The following CSMD1 variants were observed in gnomAD, a reference collection of about 807,000 sequenced individuals.
CSMD1 encodes the protein CUB and sushi domain-containing protein 1.
A neutral mutation model predicts 417.5 loss-of-function variants in CSMD1; 213 were observed. The ratio of observed to expected loss-of-function variants is 0.51; its 90% confidence interval spans 0.46 to 0.57. The LOEUF (loss-of-function observed/expected upper bound fraction) is 0.57, where lower values mean the gene tolerates loss of function less well. Ranked by LOEUF, CSMD1 falls within the 20% of genes least tolerant of loss-of-function variation. The probability of loss-of-function intolerance (pLI) is 0.00; values close to 1 mark genes in which losing one functional copy is unlikely to be tolerated. For missense variants in CSMD1, 6,923 were observed against 4,529.7 expected, an observed-to-expected ratio of 1.53 and a Z score of -15.17; for synonymous variants, 2,862 against 1,736.8, an observed-to-expected ratio of 1.65 and a Z score of -16.11.
At chr8:4,044,696 G>A (rs1009936196) in intron 3 of CSMD1, among the ~76,000 whole-genome samples, 1 of 43,138 alleles carries the variant, frequency 2.3e-5, no homozygotes, top group Non-Finnish European at 6.7e-5. Context: ...AATCCTGGCT[G>A]CGTACAACCC....
chr8:4,366,400 C>G (rs989417308), intron 3 of CSMD1, among the ~76,000 whole-genome samples: 2 of 152,164 alleles, frequency 1.3e-5, no homozygotes, highest in Non-Finnish European at 2.9e-5. Context: ...TATGCATGCA[C>G]GTGTCTTTTT....
At chr8:4,459,313 C>T (rs915100706) in intron 2 of CSMD1, among the ~76,000 whole-genome samples, 1 of 152,200 alleles carries the variant, frequency 6.6e-6, no homozygotes. Context: ...GGTGAAGGTT[C>T]TATGCCACCA....
At chr8:4,081,200 G>C (rs980187468) in intron 3 of CSMD1, among the ~76,000 whole-genome samples, 4 of 152,152 alleles carry the variant, frequency 2.6e-5, no homozygotes, top group Admixed American at 6.6e-5. Context: ...AAATTATCCA[G>C]TCTGTGGCGT....
chr8:4,416,579 T>C (rs1015116056), intron 3 of CSMD1, among the ~76,000 whole-genome samples: 5 of 152,082 alleles, frequency 3.3e-5, no homozygotes, highest in Non-Finnish European at 5.9e-5. Context: ...TTTTTACTAA[T>C]AAGGGCAACT....
chr8:3,026,609 C>A (rs766330755), intron 51 of CSMD1, among the ~76,000 whole-genome samples: 6 of 152,170 alleles, frequency 3.9e-5, no homozygotes, highest in Non-Finnish European at 5.9e-5. Context: ...CTGGACCTCA[C>A]TGGACCTCAC....
chr8:3,207,935 A>G (rs555020583), intron 30 of CSMD1, among the ~76,000 whole-genome samples: 3 of 152,238 alleles, frequency 2.0e-5, no homozygotes, highest in African/African-American at 4.8e-5. Flanking sequence ...AAGGTTTCCA[A>G]TAGAATGCTG....
intron 5 of CSMD1, among the ~76,000 whole-genome samples, chr8:3,862,644 C>G (rs1409078983): frequency 6.6e-6 from 1 of 152,198 alleles, no homozygotes; most frequent in African/African-American, 2.4e-5. Context: ...TAAACCAAAT[C>G]TCTAAATATT....
chr8:4,247,952 T>G (rs924690604), intron 3 of CSMD1, among the ~76,000 whole-genome samples: 4 of 152,204 alleles, frequency 2.6e-5, no homozygotes, highest in African/African-American at 9.7e-5. Context: ...TCATAATTTT[T>G]TGTCTTCTTT....
At chr8:3,648,138 G>A (rs941396927) in intron 7 of CSMD1, among the ~76,000 whole-genome samples, 3 of 152,126 alleles carry the variant, frequency 2.0e-5, no homozygotes, top group Non-Finnish European at 4.4e-5. Context: ...CTTTACTATG[G>A]CCCCAGATTA....
chr8:4,924,412 G>A (rs186052800), intron 1 of CSMD1, among the ~76,000 whole-genome samples: 2 of 152,106 alleles, frequency 1.3e-5, no homozygotes, highest in South Asian at 2.1e-4. Context: ...AATAAAAGAT[G>A]TAATAGTAAA....
intron 3 of CSMD1, among the ~76,000 whole-genome samples, chr8:4,212,681 ATAAT>A (rs1335958455): frequency 9.9e-5 from 15 of 151,796 alleles, no homozygotes; most frequent in Non-Finnish European, 1.3e-4. Context: ...AAGAACAGAA[ATAAT>A]TAGTTATATG....
intron 5 of CSMD1, among the ~76,000 whole-genome samples, chr8:3,766,503 T>C (rs768672083): frequency 3.3e-5 from 5 of 152,058 alleles, no homozygotes; most frequent in Non-Finnish European, 7.4e-5. Context: ...GAGACACCCT[T>C]TGCCTCCTAT....
At chr8:4,146,609 T>G (rs1433349912) in intron 3 of CSMD1, among the ~76,000 whole-genome samples, 3 of 104,178 alleles carry the variant, frequency 2.9e-5, no homozygotes, top group African/African-American at 3.9e-5. Flanking sequence ...TTTTTTTTTT[T>G]TTTTTTTTTT....
chr8:4,036,178 T>A (rs908958487), intron 3 of CSMD1, among the ~76,000 whole-genome samples: 2 of 152,220 alleles, frequency 1.3e-5, no homozygotes, highest in African/African-American at 4.8e-5. Flanking sequence ...AAGTGTGCTC[T>A]GTGATGTTTG....
intron 37 of CSMD1, among the ~76,000 whole-genome samples, chr8:3,167,007 C>T (rs188924659): frequency 7.7e-4 from 117 of 152,090 alleles, no homozygotes; most frequent in African/African-American, 2.4e-3. Flanking sequence ...GTTCACAGGG[C>T]GGGGCACAGT....
intron 2 of CSMD1, among the ~76,000 whole-genome samples, chr8:4,576,510 T>A (rs1418144700): frequency 1.3e-5 from 2 of 152,220 alleles, no homozygotes; most frequent in African/African-American, 4.8e-5. Flanking sequence ...TAAGTAACTC[T>A]CTCCTACTAT....
intron 49 of CSMD1, among the ~76,000 whole-genome samples, chr8:3,083,994 A>C (rs1002648743): frequency 1.4e-4 from 22 of 152,006 alleles, no homozygotes; most frequent in Admixed American, 5.9e-4. Flanking sequence ...TACACTGTGA[A>C]TCCCTTGGAA....
intron 3 of CSMD1, among the ~76,000 whole-genome samples, chr8:4,037,016 G>C (rs1368656454): frequency 1.3e-5 from 2 of 151,310 alleles, no homozygotes; most frequent in South Asian, 4.2e-4. Flanking sequence ...ATGGTAGTGT[G>C]TCCTGTCCAG....
intron 3 of CSMD1, among the ~76,000 whole-genome samples, chr8:4,131,756 C>CTGT (rs1803119172): frequency 1.1e-5 from 1 of 87,426 alleles, no homozygotes; most frequent in Non-Finnish European, 2.0e-5. Context: ...ACAAATGTGA[C>CTGT]TTTTTTTTTT....
Sources: gnomAD v4.1 joint callset for allele counts (sites outside exome capture counted in the v4.1 genomes callset) on GRCh38, gnomAD v4.1.1 for gene constraint, MANE v1.5 for transcripts, NCBI Gene and HGNC (gene_info 2026-07-23, HGNC 2026-07-21) for gene names.